The following ACTR3C variants were observed in gnomAD, a reference collection of about 807,000 sequenced individuals.
The protein encoded by ACTR3C is actin related protein 3C.
ACTR3C carries 18 observed loss-of-function variants against 26.3 expected under a neutral mutation model. The ratio of observed to expected loss-of-function variants is 0.68; its 90% CI spans 0.47 to 1.01. The LOEUF is 1.01. Among genes scored for constraint, ACTR3C ranks in the 50% least tolerant of loss-of-function variants. The probability of loss-of-function intolerance (pLI) is 0.00; values close to 1 mark genes in which losing one functional copy is unlikely to be tolerated. For missense variants in ACTR3C, 184 were observed against 250.7 expected (o/e 0.73, Z 1.80); for synonymous variants, 55 against 94.5 (o/e 0.58, Z 2.42).
the ACTR3C span, among the ~76,000 whole-genome samples, chr7:150,165,252 C>G: frequency 6.6e-6 from 1 of 152,084 alleles, no homozygotes; most frequent in East Asian, 1.9e-4. Context: ...GAATTTTCCC[C>G]TCTGTTTGAG....
chr7:150,069,351 G>A, the ACTR3C span, among the ~76,000 whole-genome samples: 1 of 152,190 alleles, frequency 6.6e-6, no homozygotes, highest in Non-Finnish European at 1.5e-5. Context: ...GAGAGAAGAG[G>A]TCTGGGGCTA....
chr7:149,908,807 G>A, the ACTR3C span, among the ~76,000 whole-genome samples: 2 of 149,198 alleles, frequency 1.3e-5, no homozygotes, highest in Non-Finnish European at 3.0e-5. Context: ...TTGAGACGGA[G>A]TTTCACTCTT....
At chr7:149,931,651 T>C in the ACTR3C span, among the ~76,000 whole-genome samples, 1 of 152,324 alleles carries the variant, frequency 6.6e-6, no homozygotes, top group South Asian at 2.1e-4. Flanking sequence ...TGGAGGAGTT[T>C]AATAACGCTG....
chr7:150,128,215 G>A, the ACTR3C span, among the ~76,000 whole-genome samples: 1 of 152,006 alleles, frequency 6.6e-6, no homozygotes, highest in South Asian at 2.1e-4. Context: ...TACCAAGTGA[G>A]ATCAAACCCT....
chr7:150,292,174 A>T (rs2531055), intron 3 of ACTR3C, among the ~76,000 whole-genome samples: 24,428 of 145,616 alleles, frequency 0.17, 2,853 homozygotes, highest in African/African-American at 0.32. Flanking sequence ...TATATACACA[A>T]ACACACCCCC....
the ACTR3C span, among the ~76,000 whole-genome samples, chr7:149,929,952 T>C: frequency 6.6e-6 from 1 of 152,172 alleles, no homozygotes; most frequent in Non-Finnish European, 1.5e-5. Context: ...CTATCTTAAG[T>C]CTTTCGATGG....
chr7:150,196,678 T>G, the ACTR3C span, among the ~76,000 whole-genome samples: 1 of 152,222 alleles, frequency 6.6e-6, no homozygotes, highest in Non-Finnish European at 1.5e-5. Flanking sequence ...AGTTTTGCGC[T>G]TGGAAATTGG....
the ACTR3C span, among the ~76,000 whole-genome samples, chr7:150,026,659 C>T: frequency 6.6e-6 from 1 of 151,938 alleles, no homozygotes; most frequent in Non-Finnish European, 1.5e-5. Context: ...AAACAGAGGG[C>T]TGTCTTTGTT....
chr7:149,945,468 A>G, the ACTR3C span, among the ~76,000 whole-genome samples: 14 of 152,356 alleles, frequency 9.2e-5, no homozygotes, highest in Middle Eastern at 6.8e-3. Flanking sequence ...AAGTGACAGT[A>G]TTGCCAGTCA....
the ACTR3C span, among the ~76,000 whole-genome samples, chr7:150,088,311 C>G: frequency 6.6e-6 from 1 of 152,178 alleles, no homozygotes; most frequent in Non-Finnish European, 1.5e-5. Flanking sequence ...AGAATTTTCT[C>G]GAATTTCCAT....
At chr7:150,018,535 T>A in the ACTR3C span, among the ~76,000 whole-genome samples, 3 of 149,858 alleles carry the variant, frequency 2.0e-5, no homozygotes, top group African/African-American at 7.6e-5. Flanking sequence ...TTTCCTTGAT[T>A]CCAAAGCTTT....
the ACTR3C span, among the ~76,000 whole-genome samples, chr7:150,078,390 A>G: frequency 6.7e-6 from 1 of 148,596 alleles, no homozygotes; most frequent in Non-Finnish European, 1.5e-5. Context: ...TCTCTGGTTA[A>G]GAAAGAGTCT....
At chr7:150,267,330 C>T (rs1834116539) in intron 6 of ACTR3C, among the ~76,000 whole-genome samples, 1 of 152,230 alleles carries the variant, frequency 6.6e-6, no homozygotes, top group African/African-American at 2.4e-5. Context: ...CAGAAATAAA[C>T]ACTTTGTAGG....
chr7:150,048,644 G>A, the ACTR3C span, among the ~76,000 whole-genome samples: 153 of 151,162 alleles, frequency 1.0e-3, 3 homozygotes, highest in South Asian at 0.031. Context: ...GCCCCGGGGC[G>A]CCCCAGCCAC....
chr7:150,035,164 GGGGGGGAAGA>G, the ACTR3C span, among the ~76,000 whole-genome samples: 1 of 140,630 alleles, frequency 7.1e-6, no homozygotes, highest in Non-Finnish European at 1.6e-5. Flanking sequence ...TCCTAAGCCA[GGGGGGGAAGA>G]GGGTCTGGCT....
chr7:150,017,049 A>G, the ACTR3C span, among the ~76,000 whole-genome samples: 1 of 152,056 alleles, frequency 6.6e-6, no homozygotes, highest in Admixed American at 6.6e-5. Flanking sequence ...ACCTGGGAGC[A>G]GGATTAGAGT....
the ACTR3C span, among the ~76,000 whole-genome samples, chr7:150,115,342 G>C: frequency 5.3e-5 from 8 of 152,150 alleles, no homozygotes; most frequent in Admixed American, 3.3e-4. Context: ...TGATCAGCTG[G>C]GGATGCCTTG....
chr7:150,067,053 A>C, the ACTR3C span, among the ~76,000 whole-genome samples: 74 of 152,362 alleles, frequency 4.9e-4, no homozygotes, highest in African/African-American at 1.6e-3. Context: ...TGAGAAATAT[A>C]ACTGCATCAA....
At chr7:150,180,537 G>T in the ACTR3C span, among the ~76,000 whole-genome samples, 1 of 126,736 alleles carries the variant, frequency 7.9e-6, no homozygotes, top group Admixed American at 7.4e-5. Flanking sequence ...TTCTGAGAGG[G>T]AGTCTCGCTC....
Sources: gnomAD v4.1 joint callset for allele counts (sites outside exome capture counted in the v4.1 genomes callset) on GRCh38, gnomAD v4.1.1 for gene constraint, MANE v1.5 for transcripts, NCBI Gene and HGNC (gene_info 2026-07-23, HGNC 2026-07-21) for gene names.